The following FAM227A variants were observed in gnomAD, a reference collection of about 807,000 sequenced individuals.
The protein encoded by FAM227A is family with sequence similarity 227 member A, also known as protein FAM227A.
In FAM227A, 80 loss-of-function variants were observed where a neutral mutation model predicts 74.7. The ratio of observed to expected loss-of-function variants is 1.07; its 90% CI spans 0.89 to 1.29. The LOEUF is 1.29. Ranked by LOEUF, FAM227A falls within the 50% of genes most tolerant of loss-of-function variation. FAM227A has a pLI of 0.00. For missense variants in FAM227A, 654 were observed against 683.4 expected (o/e 0.96, Z 0.48); for synonymous variants, 237 against 241.8 (o/e 0.98, Z 0.19).
intron 11 of FAM227A, among the ~76,000 whole-genome samples, chr22:38,609,033 T>G (rs1319685668): frequency 1.3e-5 from 2 of 152,032 alleles, no homozygotes; most frequent in East Asian, 3.9e-4. Context: ...CCTCAGGTGA[T>G]CTGCCCAACT....
intron 11 of FAM227A, among the ~76,000 whole-genome samples, chr22:38,619,645 C>G (rs1056664780): frequency 6.6e-6 from 1 of 151,890 alleles, no homozygotes; most frequent in Non-Finnish European, 1.5e-5. Context: ...TTTTTAGGGT[C>G]GGGGGATAGG....
chr22:38,626,404 G>T (rs1603001113), intron 8 of FAM227A, 101 bp from the exon 9 acceptor site: 1 of 1,302,530 alleles, frequency 7.7e-7, no homozygotes, highest in East Asian at 2.7e-5. Flanking sequence ...TATAGTTTTT[G>T]TTGTTGTTGT....
At chr22:38,655,140 GAA>G (rs755349531) in intron 1 of FAM227A, among the ~76,000 whole-genome samples, 2 of 124,222 alleles carry the variant, frequency 1.6e-5, no homozygotes, top group African/African-American at 3.0e-5. Context: ...ACTCTGTCTC[GAA>G]AAAAAAAAAA....
chr22:38,620,552 C>T (rs562580123), intron 10 of FAM227A, among the ~76,000 whole-genome samples: 25 of 152,200 alleles, frequency 1.6e-4, no homozygotes, highest in African/African-American at 5.5e-4. Flanking sequence ...GCCTGTAATC[C>T]CAGCACTTTG....
Position 38,641,868 on chromosome 22 carries a change from C to T in FAM227A, c.226-2144G>A, listed in dbSNP as rs74486895. ...CAAAAAGACACTTACAGATGATTCACGCCTGTGTTCTTCCATCTTGTGGGA... is the reference window on the plus strand; with the variant it reads ...CAAAAAGACACTTACAGATGATTCATGCCTGTGTTCTTCCATCTTGTGGGA... On this transcript the variant is annotated intron_variant, in intron 3 of 16. Transcript: ENST00000535113. 9.5e-3 allele frequency among the ~76,000 whole-genome samples: 1,439 copies of T among 152,248 alleles called. 28 individuals are homozygous for T. The highest frequency in any genetic ancestry group is 0.033 in the African/African-American group (1,365 of 41,520).
intron 11 of FAM227A, among the ~76,000 whole-genome samples, chr22:38,611,823 T>C (rs1286612822): frequency 2.0e-5 from 3 of 152,210 alleles, no homozygotes; most frequent in Non-Finnish European, 4.4e-5. Flanking sequence ...CTTGTATATT[T>C]ACCCACTTGG....
At chr22:38,639,507 C>A in intron 4 of FAM227A, 148 bp downstream of exon 4, 1 of 794,334 alleles carries the variant, frequency 1.3e-6, no homozygotes, top group Non-Finnish European at 2.1e-6. Flanking sequence ...CTTCCTTGCC[C>A]AATGTCAAGA....
At chr22:38,600,316 G>GTATA (rs60675971) in intron 13 of FAM227A, among the ~76,000 whole-genome samples, 3,540 of 147,528 alleles carry the variant, frequency 0.024, 52 homozygotes, top group Middle Eastern at 0.064. Flanking sequence ...GTGTATGTAT[G>GTATA]TATATATATA....
intron 1 of FAM227A, among the ~76,000 whole-genome samples, chr22:38,652,744 G>A (rs1057220879): frequency 1.3e-5 from 2 of 151,182 alleles, no homozygotes; most frequent in Non-Finnish European, 2.9e-5. Flanking sequence ...TGGCGTGGTG[G>A]CGGGCTCCTG....
At position 38,582,644 on chromosome 22, in the gene FAM227A, T is replaced by C; in HGVS notation, c.*3481A>G. 5.4e-6 allele frequency: 4 copies of C among 743,404 alleles called. No individual in the cohort carries two copies. The highest frequency in any genetic ancestry group is 6.4e-6 in the Non-Finnish European group (3 of 465,188). 46.1% of individuals were successfully genotyped at this position (743,404 alleles called of 1,614,324 possible). A position where few individuals can be genotyped will look rare whatever the true frequency, so the allele number is the denominator to read the frequency against. ...CTCAGTCATTTCTGGAAAGGGTCCA[T>C]GCAGGGATGATCTTGGACTGTGCAA... On this transcript the variant is annotated 3_prime_UTR_variant, in exon 17 of 17. Transcript: ENST00000535113.
At chr22:38,621,349 C>CAAA (rs35716573) in intron 10 of FAM227A, among the ~76,000 whole-genome samples, 3 of 79,180 alleles carry the variant, frequency 3.8e-5, no homozygotes, top group African/African-American at 1.0e-4. Context: ...GACTCTGTCT[C>CAAA]AAAAAAAAAA....
At chr22:38,628,010 G>C (rs943456206) in intron 8 of FAM227A, among the ~76,000 whole-genome samples, 1 of 151,848 alleles carries the variant, frequency 6.6e-6, no homozygotes, top group African/African-American at 2.4e-5. Flanking sequence ...ATATCATATA[G>C]AGTTGTACAA....
intron 12 of FAM227A, 33 bp from the exon 13 acceptor site, chr22:38,605,381 T>A (rs913841360): frequency 7.5e-7 from 1 of 1,335,944 alleles, no homozygotes; most frequent in Admixed American, 2.0e-5. Context: ...AAAATGACCA[T>A]TAGGTTCAAG....
At chr22:38,609,033 T>A (rs1319685668) in intron 11 of FAM227A, among the ~76,000 whole-genome samples, 2 of 152,032 alleles carry the variant, frequency 1.3e-5, no homozygotes, top group Non-Finnish European at 2.9e-5. Flanking sequence ...CCTCAGGTGA[T>A]CTGCCCAACT....
chr22:38,640,285 G>A (rs750598608), intron 3 of FAM227A, among the ~76,000 whole-genome samples: 1 of 152,026 alleles, frequency 6.6e-6, no homozygotes, highest in African/African-American at 2.4e-5. Flanking sequence ...TGCCCACCTC[G>A]GCCTCCCAAA....
At chr22:38,652,261 CA>C (rs1049648101) in intron 1 of FAM227A, among the ~76,000 whole-genome samples, 1 of 151,760 alleles carries the variant, frequency 6.6e-6, no homozygotes, top group African/African-American at 2.4e-5. Context: ...ATTAAAATAA[CA>C]AAAAAGTTAA....
At chr22:38,651,228 GCCT>G (rs2092317101) in intron 1 of FAM227A, among the ~76,000 whole-genome samples, 1 of 152,128 alleles carries the variant, frequency 6.6e-6, no homozygotes, top group African/African-American at 2.4e-5. Context: ...TTAGCACCAT[GCCT>G]CCTCTGCAAA....
intron 5 of FAM227A, among the ~76,000 whole-genome samples, chr22:38,637,986 G>A (rs1300606107): frequency 2.0e-5 from 3 of 152,196 alleles, no homozygotes; most frequent in Admixed American, 6.6e-5. Flanking sequence ...AGCCAACATG[G>A]TGAAACCCCA....
At chr22:38,626,019 T>G (rs2091791913) in intron 9 of FAM227A, among the ~76,000 whole-genome samples, 161 bp downstream of exon 9, 1 of 151,828 alleles carries the variant, frequency 6.6e-6, no homozygotes, top group African/African-American at 2.4e-5. Flanking sequence ...TTTGTATTCC[T>G]TGGGGCTCCA....
Sources: gnomAD v4.1 joint callset for allele counts (sites outside exome capture counted in the v4.1 genomes callset) on GRCh38, gnomAD v4.1.1 for gene constraint, MANE v1.5 for transcripts, NCBI Gene and HGNC (gene_info 2026-07-23, HGNC 2026-07-21) for gene names.